Variants in SLC25A27 observed in about 807,000 individuals in gnomAD.
SLC25A27 encodes mitochondrial uncoupling protein 4.
A neutral mutation model predicts 49.1 loss-of-function variants in SLC25A27; 35 were observed. That is an observed-to-expected ratio of 0.71 (90% CI 0.54 to 0.95). SLC25A27 has a LOEUF of 0.95. Among genes scored for constraint, SLC25A27 ranks in the 40% least tolerant of loss-of-function variants. The probability of loss-of-function intolerance (pLI) is 0.00; values close to 1 mark genes in which losing one functional copy is unlikely to be tolerated. For missense variants in SLC25A27, 339 were observed against 397.1 expected, an observed-to-expected ratio of 0.85 and a Z score of 1.24; for synonymous variants, 144 against 136.9, an observed-to-expected ratio of 1.05 and a Z score of -0.36.
chr6:46,671,252 G>GT (rs753888588), intron 8 of SLC25A27, 24 bp downstream of exon 8: 108 of 1,328,892 alleles, frequency 8.1e-5, no homozygotes, highest in Non-Finnish European at 9.5e-5. Flanking sequence ...TACTTCCTTT[G>GT]TTTTTTTTCT....
At chr6:46,658,123 T>C (rs1347720594) in intron 2 of SLC25A27, among the ~76,000 whole-genome samples, 1 of 152,200 alleles carries the variant, frequency 6.6e-6, no homozygotes, top group Non-Finnish European at 1.5e-5. Context: ...TTTCTAAAAT[T>C]TGCTGGCTTA....
intron 1 of SLC25A27, chr6:46,654,088 G>A: frequency 1.0e-6 from 1 of 984,694 alleles, no homozygotes; most frequent in Non-Finnish European, 1.2e-6. Context: ...CATCTAGAGT[G>A]GAATGATGAT....
At chr6:46,657,411 C>T (rs779037068) in intron 2 of SLC25A27, among the ~76,000 whole-genome samples, 5 of 151,910 alleles carry the variant, frequency 3.3e-5, no homozygotes, top group South Asian at 2.1e-4. Flanking sequence ...TGCAGTGAGC[C>T]GAGATCATGC....
chr6:46,655,833 T>G lies in SLC25A27; in HGVS notation c.107-10T>G. 1 of 1,609,756 alleles carries G rather than the reference T, an allele frequency of 6.2e-7. No individual in the cohort carries two copies. Among genetic ancestry groups the G allele is most frequent in the Non-Finnish European group, 8.5e-7 (1 of 1,178,606 alleles). ...TTGTGGGTTTTTCCCTGCATTTGTG[T>G]TTTTGTTAGCAACCTTTCCCCTGGA... On this transcript the variant is annotated splice_polypyrimidine_tract_variant and intron_variant, in intron 1 of 8. Coordinates refer to ENST00000371347, the MANE Select transcript of SLC25A27 (RefSeq NM_004277.5).
At chr6:46,669,879 G>C (rs1370562488) in intron 6 of SLC25A27, among the ~76,000 whole-genome samples, 1 of 152,116 alleles carries the variant, frequency 6.6e-6, no homozygotes, top group Non-Finnish European at 1.5e-5. Flanking sequence ...CTCAAGGGCA[G>C]GGTCTTACCT....
At chr6:46,655,488 T>C (rs1265975295) in intron 1 of SLC25A27, among the ~76,000 whole-genome samples, 1 of 148,044 alleles carries the variant, frequency 6.8e-6, no homozygotes, top group Non-Finnish European at 1.5e-5. Context: ...AATTTCTGAA[T>C]AGAAAGAACC....
At chr6:46,671,779 A>G (rs1282102223) in intron 8 of SLC25A27, among the ~76,000 whole-genome samples, 1 of 152,020 alleles carries the variant, frequency 6.6e-6, no homozygotes, top group Non-Finnish European at 1.5e-5. Flanking sequence ...TATAGCAAAT[A>G]AAATATAGAA....
intron 3 of SLC25A27, 122 bp downstream of exon 3, chr6:46,659,168 CAATAT>C (rs1225517986): frequency 1.5e-6 from 1 of 676,142 alleles, no homozygotes. Flanking sequence ...ATAATAATTA[CAATAT>C]AAGTCCAGAT....
chr6:46,672,820 T>TA lies in SLC25A27; in HGVS notation c.900+1593dup, dbSNP rs543765031. On this transcript the variant is annotated intron_variant, in intron 8 of 8. Transcript: ENST00000371347. ...AGGAGAGAATACAGGGATGGAGGTT[T>TA]AGATTTGAGCATTTTCCACATATAG... Among the ~76,000 whole-genome samples, 44 of 152,302 alleles carry TA rather than the reference T, an allele frequency of 2.9e-4. No homozygotes were observed. In the South Asian group the frequency reaches 9.1e-3, roughly 32 times the overall value.
chr6:46,655,644 C>A (rs1317537247), intron 1 of SLC25A27, among the ~76,000 whole-genome samples, 199 bp from the exon 2 acceptor site: 2 of 140,972 alleles, frequency 1.4e-5, no homozygotes, highest in African/African-American at 5.3e-5. Context: ...AGTTTCTAAA[C>A]CCTCTTCAAC....
At chr6:46,667,668 T>A (rs1388886276) in intron 5 of SLC25A27, among the ~76,000 whole-genome samples, 5 of 151,234 alleles carry the variant, frequency 3.3e-5, no homozygotes, top group African/African-American at 1.2e-4. Flanking sequence ...TTTCTTTTGG[T>A]CTCTGTTCAA....
At chr6:46,665,651 A>G (rs1053648846) in intron 5 of SLC25A27, among the ~76,000 whole-genome samples, 3 of 151,642 alleles carry the variant, frequency 2.0e-5, no homozygotes, top group Admixed American at 6.6e-5. Context: ...GCGCCACTGT[A>G]CTCTAGACTG....
In SLC25A27 at chr6:46,668,714, AC is replaced by A; in HGVS notation, c.627del (p.Thr210LeufsTer5). On this transcript the variant is annotated frameshift_variant, in exon 6 of 9. Transcript: ENST00000371347. LOFTEE classifies it high-confidence loss of function. ...TAAACTTTTTCCATTGCCAGATTTA[AC>A]CACTTATGATACAGTGAAACACTAC... ...RAALVNMGDL[T>X]TYDTVKHYLV... 7 of 1,590,762 alleles carry A rather than the reference AC, an allele frequency of 4.4e-6. No homozygotes were observed. Among genetic ancestry groups the A allele is most frequent in the Non-Finnish European group, 6.0e-6 (7 of 1,160,176 alleles).
rs67622673 is a variant in SLC25A27, at chr6:46,678,030, T to TTATATATATATATA, written c.*1598_*1611dup. 0.029 allele frequency: 2,839 copies of TTATATATATATATA among 99,564 alleles called. 224 individuals are homozygous for TTATATATATATATA. Among genetic ancestry groups the TTATATATATATATA allele is most frequent in the Non-Finnish European group, 0.035 (1,706 of 48,176 alleles). 6.2% of individuals were successfully genotyped at this position (99,564 alleles called of 1,614,324 possible). A position where few individuals can be genotyped will look rare whatever the true frequency, so the allele number is the denominator to read the frequency against. On this transcript the variant is annotated 3_prime_UTR_variant, in exon 9 of 9. Coordinates refer to ENST00000371347, the MANE Select transcript of SLC25A27 (RefSeq NM_004277.5). ...CAATATGTAATTGCGTTGTAAAATA[T>TTATATATATATATA]TATATATATATATATATATATATAT... is the stretch of plus-strand genomic sequence containing the variant.
At chr6:46,653,505 T>C in intron 1 of SLC25A27, 1 of 985,486 alleles carries the variant, frequency 1.0e-6, no homozygotes, top group Non-Finnish European at 1.2e-6. Flanking sequence ...TAATCTCTTC[T>C]AATGCTTCCC....
intron 5 of SLC25A27, among the ~76,000 whole-genome samples, chr6:46,667,254 C>G (rs1763355598): frequency 6.6e-6 from 1 of 152,130 alleles, no homozygotes; most frequent in African/African-American, 2.4e-5. Context: ...CTGGCTGATC[C>G]TGTTGATTCT....
intron 1 of SLC25A27, chr6:46,654,085 A>G (rs1027215794): frequency 2.0e-6 from 2 of 984,574 alleles, no homozygotes; most frequent in African/African-American, 3.5e-5. Context: ...GGCCATCTAG[A>G]GTGGAATGAT....
intron 4 of SLC25A27, 82 bp downstream of exon 4, chr6:46,662,580 TC>T: frequency 7.1e-7 from 1 of 1,416,884 alleles, no homozygotes; most frequent in Non-Finnish European, 9.8e-7. Context: ...AGAATTATCA[TC>T]CAGTATGCAG....
chr6:46,665,756 C>T (rs1188342156), intron 5 of SLC25A27, among the ~76,000 whole-genome samples: 3 of 152,156 alleles, frequency 2.0e-5, no homozygotes, highest in South Asian at 2.1e-4. Flanking sequence ...ACCATTTCTA[C>T]ACCACTAGCC....
Sources: allele counts gnomAD v4.1 joint callset (sites outside exome capture counted in the v4.1 genomes callset), GRCh38; gene constraint gnomAD v4.1.1; transcripts MANE v1.5; gene names NCBI Gene and HGNC (gene_info 2026-07-23, HGNC 2026-07-21).